Variants in GRM8 observed in about 807,000 individuals in gnomAD.
GRM8 encodes the protein metabotropic glutamate receptor 8.
Under a neutral mutation model 87.2 loss-of-function variants are expected in GRM8, and 47 were observed. That is an observed-to-expected ratio of 0.54 (90% CI 0.43 to 0.69). GRM8 has a LOEUF of 0.69. Ranked by LOEUF, GRM8 falls within the 30% of genes least tolerant of loss-of-function variation. The pLI is 0.00. For missense variants in GRM8, 1,019 were observed against 1,139.2 expected (o/e 0.89, Z 1.52); for synonymous variants, 396 against 404.5 (o/e 0.98, Z 0.25).
At chr7:126,511,279 T>A (rs1302890459) in intron 9 of GRM8, 1 of 152,080 alleles carries the variant, frequency 6.6e-6, no homozygotes, top group Non-Finnish European at 1.5e-5. Context: ...TTTACACCTA[T>A]ATCAAATTCC....
At chr7:127,033,850 G>A (rs1366001770) in intron 3 of GRM8, among the ~76,000 whole-genome samples, 1 of 152,192 alleles carries the variant, frequency 6.6e-6, no homozygotes, top group Non-Finnish European at 1.5e-5. Context: ...AAAATCACAT[G>A]TGTAAACACA....
At chr7:126,978,236 G>C (rs1326573399) in intron 3 of GRM8, among the ~76,000 whole-genome samples, 2 of 150,866 alleles carry the variant, frequency 1.3e-5, no homozygotes, top group Non-Finnish European at 3.0e-5. Context: ...AGGAAGGAGA[G>C]GAAAAGGAGA....
intron 7 of GRM8, among the ~76,000 whole-genome samples, chr7:126,676,429 CA>C (rs1258970605): frequency 6.6e-6 from 1 of 151,988 alleles, no homozygotes; most frequent in African/African-American, 2.4e-5. Flanking sequence ...AAATACCAAG[CA>C]AAAAGAACAA....
intron 2 of GRM8, among the ~76,000 whole-genome samples, chr7:127,156,856 A>G (rs1172914585): frequency 6.6e-6 from 1 of 152,204 alleles, no homozygotes; most frequent in East Asian, 1.9e-4. Flanking sequence ...AAAACAATAT[A>G]TGAAGAATAT....
intron 7 of GRM8, among the ~76,000 whole-genome samples, chr7:126,709,373 T>C (rs1810868286): frequency 6.6e-6 from 1 of 150,786 alleles, no homozygotes; most frequent in South Asian, 2.1e-4. Context: ...GCCTAGGCAA[T>C]ATAGCAAGAT....
intron 7 of GRM8, among the ~76,000 whole-genome samples, chr7:126,614,045 G>A (rs529833438): frequency 5.1e-4 from 78 of 152,314 alleles, no homozygotes; most frequent in Non-Finnish European, 6.6e-4. Flanking sequence ...CTCCCAGCAC[G>A]GAGTTTGAGA....
intron 3 of GRM8, among the ~76,000 whole-genome samples, chr7:126,982,785 T>G (rs1563379073): frequency 6.6e-6 from 1 of 152,208 alleles, no homozygotes; most frequent in South Asian, 2.1e-4. Context: ...CTACCCATTC[T>G]GTATTCCCTT....
chr7:126,915,816 A>G (rs1803835986), intron 3 of GRM8, among the ~76,000 whole-genome samples: 1 of 152,234 alleles, frequency 6.6e-6, no homozygotes. Context: ...GGAACTGGGC[A>G]GAAAAGGAAT....
chr7:127,242,658 C>T, intron 2 of GRM8, 37 bp downstream of exon 2: 2 of 1,575,714 alleles, frequency 1.3e-6, no homozygotes, highest in Non-Finnish European at 1.7e-6. Context: ...TTTCATTGTT[C>T]TTTCACAATG....
intron 6 of GRM8, among the ~76,000 whole-genome samples, chr7:126,818,205 A>G (rs1180862261): frequency 6.6e-6 from 1 of 152,194 alleles, no homozygotes; most frequent in African/African-American, 2.4e-5. Flanking sequence ...CAAATGTAAT[A>G]TTAACAGAAA....
chr7:126,807,324 C>A (rs1177087136), intron 6 of GRM8, among the ~76,000 whole-genome samples: 5 of 152,032 alleles, frequency 3.3e-5, no homozygotes. Context: ...AAAAAATGTT[C>A]ATTTGAGAGG....
intron 3 of GRM8, among the ~76,000 whole-genome samples, chr7:127,053,975 A>G (rs1419370665): frequency 6.6e-6 from 1 of 152,064 alleles, no homozygotes. Flanking sequence ...CCTTACAGTA[A>G]CTCTGAGAGG....
intron 7 of GRM8, among the ~76,000 whole-genome samples, chr7:126,747,961 T>C (rs73453210): frequency 0.11 from 16,934 of 151,990 alleles, 1,379 homozygotes; most frequent in Non-Finnish European, 0.14. Context: ...ATATATTTTA[T>C]ATTATTTTAT....
At chr7:126,980,750 C>A (rs932367547) in intron 3 of GRM8, among the ~76,000 whole-genome samples, 5 of 152,160 alleles carry the variant, frequency 3.3e-5, no homozygotes, top group Non-Finnish European at 7.3e-5. Context: ...CTTTCATTCC[C>A]AGTGGGCCAT....
intron 9 of GRM8, among the ~76,000 whole-genome samples, chr7:126,465,790 T>C (rs1369115477): frequency 6.6e-6 from 1 of 151,844 alleles, no homozygotes; most frequent in African/African-American, 2.4e-5. Flanking sequence ...CTTTATGTCT[T>C]TTTTCTTTTT....
intron 9 of GRM8, among the ~76,000 whole-genome samples, chr7:126,479,601 C>G (rs1449363200): frequency 6.6e-6 from 1 of 152,012 alleles, no homozygotes; most frequent in Non-Finnish European, 1.5e-5. Flanking sequence ...AGATAAACCA[C>G]CTTGTGTTTA....
At chr7:126,587,947 T>C (rs2151032315) in intron 8 of GRM8, among the ~76,000 whole-genome samples, 1 of 150,836 alleles carries the variant, frequency 6.6e-6, no homozygotes, top group African/African-American at 2.4e-5. Flanking sequence ...AGTCACTAAG[T>C]TTAAAGTATG....
At chr7:127,172,751 A>T (rs1182487154) in intron 2 of GRM8, among the ~76,000 whole-genome samples, 3 of 151,902 alleles carry the variant, frequency 2.0e-5, no homozygotes, top group African/African-American at 7.3e-5. Context: ...CTTTATGGCC[A>T]TTATTATGCA....
chr7:127,248,047 G>A (rs1043748848), intron 1 of GRM8, among the ~76,000 whole-genome samples: 1 of 152,084 alleles, frequency 6.6e-6, no homozygotes, highest in Admixed American at 6.5e-5. Context: ...CCTTTAAATA[G>A]CTAAATCCCA....
Sources: gnomAD v4.1 joint callset for allele counts (sites outside exome capture counted in the v4.1 genomes callset) on GRCh38, gnomAD v4.1.1 for gene constraint, MANE v1.5 for transcripts, NCBI Gene and HGNC (gene_info 2026-07-23, HGNC 2026-07-21) for gene names.